POLRMT: variants seen among roughly 807,000 people sequenced by gnomAD.
POLRMT encodes the protein RNA polymerase mitochondrial.
A neutral mutation model predicts 132.2 loss-of-function variants in POLRMT; 114 were observed. The ratio of observed to expected loss-of-function variants is 0.86; its 90% CI spans 0.74 to 1.01. The LOEUF (loss-of-function observed/expected upper bound fraction) is 1.01. Among genes scored for constraint, POLRMT ranks in the 50% least tolerant of loss-of-function variants. POLRMT has a pLI of 0.00. For synonymous variants in POLRMT, 1,020 were observed against 773.4 expected (o/e 1.32, Z -5.29); for missense variants, 2,003 against 1,729.1 (o/e 1.16, Z -2.81).
chr19:621,314 CA>C lies in POLRMT; in HGVS notation c.2383del (p.Trp795GlyfsTer57). 6.3e-7 allele frequency: 1 copy of C among 1,598,058 alleles called. No individual in the cohort carries two copies. Among genetic ancestry groups the C allele is most frequent in the Non-Finnish European group, 8.5e-7 (1 of 1,176,920 alleles). ...LAQHLRDRVF[W>X]LPHNMDFRGR... The stretch of plus-strand genomic sequence containing the variant: ...GCGGAAGTCCATGTTGTGCGGCAGC[CA>C]GAAGACGCGGTCCCGCAGGTGCTGC... On this transcript the variant is annotated frameshift_variant, in exon 10 of 21. Coordinates refer to ENST00000588649, the MANE Select transcript of POLRMT (RefSeq NM_005035.4). LOFTEE classifies it high-confidence loss of function.
chr19:622,426 C>T (rs372759003), intron 8 of POLRMT, 53 bp from the exon 9 acceptor site: 1 of 1,489,126 alleles, frequency 6.7e-7, no homozygotes, highest in Non-Finnish European at 9.0e-7. Flanking sequence ...GAGCTAGATG[C>T]CCCACCGCCC....
Position 621,516 on chromosome 19 carries a change from G to C in POLRMT, c.2182C>G (p.Gln728Glu). Residue 728 changes from glutamine (Q) to glutamate (E), a missense_variant, in exon 10 of 21, where the codon CAG (glutamine) becomes GAG (glutamate). Physicochemically the swap from Gln to Glu is conservative, Grantham distance 29. Transcript: ENST00000588649. ...GAGGGCGGGGCCGGCACGCCTAGCT[G>C]GGGGCAGCCCTTGGCCTGGAAGAGC... ...LQLFQAKGCPQLGVPAPPSEA... is the reference protein window; with the variant it reads ...LQLFQAKGCPELGVPAPPSEA... 1.4e-6 allele frequency: 2 copies of C among 1,385,362 alleles called. No individual in the cohort carries two copies. The highest frequency in any genetic ancestry group is 1.9e-6 in the Non-Finnish European group (2 of 1,078,528). 85.8% of individuals were successfully genotyped at this position (1,385,362 alleles called of 1,614,324 possible).
Position 620,422 on chromosome 19 carries a change from C to T in POLRMT, c.2706G>A (p.Ala902=), listed in dbSNP as rs773255080. 1.4e-5 allele frequency: 23 copies of T among 1,595,078 alleles called. No individual in the cohort carries two copies. The South Asian group carries it at 1.9e-4, about 13-fold the overall frequency. ...WQTLACCMEV[A]NAVRASDPAA... Reference sequence around the variant, plus strand: ...CAGGGTCGGAGGCGCGCACAGCGTTCGCCACCTCCATACAGCAGGCCAGCG... The same window carrying T: ...CAGGGTCGGAGGCGCGCACAGCGTTTGCCACCTCCATACAGCAGGCCAGCG... Residue 902 remains alanine (A), a synonymous_variant, in exon 11 of 21, where the codon GCG becomes GCA. Coordinates refer to ENST00000588649, the MANE Select transcript of POLRMT (RefSeq NM_005035.4).
At position 620,388 on chromosome 19, in the gene POLRMT, CAT is replaced by C; in HGVS notation, c.2738_2739del (p.Tyr913CysfsTer55). On this transcript the variant is annotated frameshift_variant, in exon 11 of 21. Transcript: ENST00000588649. LOFTEE classifies it high-confidence loss of function. ...ACCTGATGGACGGGGAGGTGGGAGA[CAT>C]AGGCGGCAGGGTCGGAGGCGCGCAC... is the stretch of plus-strand genomic sequence containing the variant. ...NAVRASDPAA[Y>X]VSHLPVHQDG... The C allele has an allele frequency of 1.9e-6, 3 of 1,581,046 alleles. No individual in the cohort carries two copies. Among genetic ancestry groups the C allele is most frequent in the South Asian group, 1.2e-5 (1 of 86,692 alleles).
Position 620,056 on chromosome 19 carries a change from G to C in POLRMT, c.2788C>G (p.His930Asp), listed in dbSNP as rs533539080. The C allele has an allele frequency of 6.5e-7, 1 of 1,548,102 alleles. No homozygotes were observed. Among genetic ancestry groups the C allele is most frequent in the African/African-American group, 1.4e-5 (1 of 73,720 alleles). ...CTGTCGCGGCCCAGAGCAGCATAATGCTGCAGGCCGTTGCAAGAGCCGTCC... is the reference window on the plus strand; with the variant it reads ...CTGTCGCGGCCCAGAGCAGCATAATCCTGCAGGCCGTTGCAAGAGCCGTCC... ...HQDGSCNGLQ[H>D]YAALGRDSVG... The change falls in exon 12 of 21, where the codon CAT becomes GAT. Residue 930 changes from histidine (H) to aspartate (D), a missense_variant. His to Asp is a moderately conservative substitution (Grantham distance 81). Transcript: ENST00000588649.
At position 621,160 on chromosome 19, in the gene POLRMT, G is replaced by C; in HGVS notation, c.2538C>G (p.Val846=). The C allele has an allele frequency of 2.5e-6, 4 of 1,610,976 alleles. No homozygotes were observed. The highest frequency in any genetic ancestry group is 3.4e-6 in the Non-Finnish European group (4 of 1,178,720). ...CCCGCTTCTTCAACCCCGTGAGATT[G>C]ACCAGGTGGATCTTGAGCCAATCCA... The part of the protein sequence containing the change: ...HGLDWLKIHL[V]NLTGLKKREP... The change falls in exon 10 of 21, where the codon GTC becomes GTG. Residue 846 remains valine, a synonymous_variant. Transcript: ENST00000588649.
chr19:625,048 GCCCAGGCACCGT>G, intron 4 of POLRMT, 64 bp downstream of exon 4: 4 of 1,537,532 alleles, frequency 2.6e-6, no homozygotes, highest in South Asian at 2.5e-5. Context: ...CCAGCCCCCA[GCCCAGGCACCGT>G]CCCAGATCTT....
At chr19:617,996 C>T in intron 17 of POLRMT, 147 bp from the exon 18 acceptor site, 1 of 671,744 alleles carries the variant, frequency 1.5e-6, no homozygotes, top group Non-Finnish European at 2.6e-6. Context: ...TCGCCCCGCC[C>T]CTCCCCAAAC....
intron 17 of POLRMT, 55 bp downstream of exon 17, chr19:618,433 G>A: frequency 7.2e-7 from 1 of 1,383,342 alleles, no homozygotes; most frequent in African/African-American, 1.4e-5. Context: ...TGCCCTGCTA[G>A]CCAGAAGACG....
intron 3 of POLRMT, among the ~76,000 whole-genome samples, chr19:626,797 T>C (rs1024399728): frequency 1.3e-5 from 2 of 150,862 alleles, no homozygotes; most frequent in African/African-American, 4.9e-5. Flanking sequence ...AAAGCGGAAA[T>C]TGCGGTAAGC....
In POLRMT at chr19:632,726, G is replaced by A. The variant is rs1030435441; in HGVS notation, c.193+108C>T. 2.5e-5 allele frequency: 23 copies of A among 911,686 alleles called. No individual in the cohort carries two copies. The Admixed American group carries it at 5.1e-4, about 20-fold the overall frequency. The allele number at this position is 911,686 out of a possible 1,614,324, so 56.5% of individuals were successfully genotyped here. On this transcript the variant is annotated intron_variant, in intron 2 of 20. Coordinates refer to ENST00000588649, the MANE Select transcript of POLRMT (RefSeq NM_005035.4). ...CGTCTGGGCGTGTCCTGGGACCCGAGAGGTGGAGACCGCCCTCAGCCTGTC... is the reference window on the plus strand; with the variant it reads ...CGTCTGGGCGTGTCCTGGGACCCGAAAGGTGGAGACCGCCCTCAGCCTGTC...
rs758674228 is a variant in POLRMT, at chr19:617,341, C to G, written c.3644-18G>C. ...GAAGGCCCCTGCGGAGGAAGCAGAG[C>G]GGACGGCGTGGGTGGCGGGAAAGCC... On this transcript the variant is annotated intron_variant, in intron 20 of 20. Transcript: ENST00000588649. 6.2e-7 allele frequency: 1 copy of G among 1,612,596 alleles called. No individual in the cohort carries two copies. The highest frequency in any genetic ancestry group is 1.3e-5 in the African/African-American group (1 of 74,910).
At chr19:618,947 G>T in intron 15 of POLRMT, 50 bp downstream of exon 15, 1 of 1,460,854 alleles carries the variant, frequency 6.8e-7, no homozygotes, top group Non-Finnish European at 9.3e-7. Context: ...CTGGGACGCT[G>T]TTACACTGGG....
At chr19:625,484 T>A in intron 3 of POLRMT, 1 of 503,666 alleles carries the variant, frequency 2.0e-6, no homozygotes, top group Non-Finnish European at 3.5e-6. Flanking sequence ...AGGTTCACGT[T>A]CCTCTGGGAG....
chr19:631,415 G>T (rs577712812), intron 2 of POLRMT, among the ~76,000 whole-genome samples: 2 of 151,592 alleles, frequency 1.3e-5, no homozygotes, highest in East Asian at 2.0e-4. Flanking sequence ...CGAGGCAGGC[G>T]GATCACGAGG....
chr19:622,173 C>T lies in POLRMT; in HGVS notation c.1827G>A (p.Val609=), dbSNP rs776553662. 6.4e-7 allele frequency: 1 copy of T among 1,570,350 alleles called. No individual in the cohort carries two copies. Among genetic ancestry groups the T allele is most frequent in the East Asian group, 2.4e-5 (1 of 42,182 alleles). ...SSRLVPVLYH[V]YSFRNVQQIG... Reference sequence around the variant, plus strand: ...CCTGCTGGACGTTGCGGAAGGAATACACGTGGTAGAGCACGGGGACAAGCC... The same window carrying T: ...CCTGCTGGACGTTGCGGAAGGAATATACGTGGTAGAGCACGGGGACAAGCC... Residue 609 remains valine (V), a synonymous_variant, in exon 9 of 21, where the codon GTG becomes GTA. Transcript: ENST00000588649.
At chr19:623,735 A>C in intron 5 of POLRMT, 132 bp from the exon 6 acceptor site, 1 of 1,128,870 alleles carries the variant, frequency 8.9e-7, no homozygotes, top group Non-Finnish European at 1.3e-6. Context: ...TGACGCGGGG[A>C]AAGGCGGGCT....
At chr19:627,555 T>A (rs569686592) in intron 3 of POLRMT, among the ~76,000 whole-genome samples, 2 of 152,082 alleles carry the variant, frequency 1.3e-5, no homozygotes, top group African/African-American at 4.8e-5. Flanking sequence ...CAGCTTCAAG[T>A]GTTCAGTAGC....
At chr19:620,981 CGG>C (rs1984516640) in intron 10 of POLRMT, 75 bp downstream of exon 10, 2 of 753,530 alleles carry the variant, frequency 2.7e-6, no homozygotes, top group Non-Finnish European at 3.4e-6. Context: ...GCGGGGGCGC[CGG>C]GGGAGGGCGC....
Sources: allele counts gnomAD v4.1 joint callset (sites outside exome capture counted in the v4.1 genomes callset), GRCh38; gene constraint gnomAD v4.1.1; transcripts MANE v1.5; gene names NCBI Gene and HGNC (gene_info 2026-07-23, HGNC 2026-07-21).